CSMD1: variants seen among roughly 807,000 people sequenced by gnomAD.
CSMD1 encodes CUB and Sushi multiple domains 1, also known as CUB and sushi domain-containing protein 1.
Under a neutral mutation model 417.5 loss-of-function variants are expected in CSMD1, and 213 were observed. The ratio of observed to expected loss-of-function variants is 0.51; its 90% confidence interval spans 0.46 to 0.57. The LOEUF is 0.57. Ranked by LOEUF, CSMD1 falls within the 20% of genes least tolerant of loss-of-function variation. The pLI, the probability that CSMD1 is intolerant of heterozygous loss-of-function variation, is 0.00. For synonymous variants in CSMD1, 2,862 were observed against 1,736.8 expected (o/e 1.65, Z -16.11); for missense variants, 6,923 against 4,529.7 (o/e 1.53, Z -15.17).
At chr8:4,387,507 A>G (rs1305510789) in intron 3 of CSMD1, among the ~76,000 whole-genome samples, 2 of 137,538 alleles carry the variant, frequency 1.5e-5, no homozygotes, top group Non-Finnish European at 3.1e-5. Flanking sequence ...TTGTTCATAA[A>G]TACTATTTCT....
chr8:3,632,684 T>A (rs142567286), intron 7 of CSMD1, among the ~76,000 whole-genome samples: 74 of 152,328 alleles, frequency 4.9e-4, no homozygotes, highest in African/African-American at 1.7e-3. Flanking sequence ...GATTCATCCA[T>A]CAGTACTATT....
At chr8:3,135,028 G>C (rs896458710) in intron 41 of CSMD1, among the ~76,000 whole-genome samples, 1 of 152,072 alleles carries the variant, frequency 6.6e-6, no homozygotes, top group African/African-American at 2.4e-5. Context: ...AGCTCAGGCA[G>C]TCCTCCCACC....
intron 3 of CSMD1, among the ~76,000 whole-genome samples, chr8:4,394,442 G>A (rs1315927609): frequency 6.6e-6 from 1 of 152,108 alleles, no homozygotes; most frequent in Non-Finnish European, 1.5e-5. Context: ...GCGATTTTTA[G>A]TACTGAGTCT....
intron 3 of CSMD1, among the ~76,000 whole-genome samples, chr8:4,104,416 A>ACACACACATGTG (rs199793713): frequency 1.3e-5 from 2 of 149,182 alleles, no homozygotes; most frequent in African/African-American, 5.1e-5. Context: ...ATGCACACGC[A>ACACACACATGTG]CACACACATG....
intron 3 of CSMD1, among the ~76,000 whole-genome samples, chr8:4,234,616 C>T (rs952274676): frequency 2.0e-5 from 3 of 152,064 alleles, no homozygotes; most frequent in African/African-American, 7.2e-5. Flanking sequence ...CTTTATTCAC[C>T]ATTTTATTCT....
In CSMD1 at chr8:4,267,190, A is replaced by G. The variant is rs1253893741; in HGVS notation, c.415+152763T>C. ...AAGATAATATTCATTAATTCCAAAA[A>G]ATGCACAACAAAAGAATCCATTAAC... On this transcript the variant is annotated intron_variant, in intron 3 of 69. Coordinates refer to ENST00000635120, the MANE Select transcript of CSMD1 (RefSeq NM_033225.6). 2.9e-5 allele frequency among the ~76,000 whole-genome samples: 3 copies of G among 104,264 alleles called. 1 individual carries two copies. The highest frequency in any genetic ancestry group is 7.8e-5 in the Non-Finnish European group (3 of 38,708). The allele number at this position is 104,264 out of a possible 152,430, so 68.4% of individuals were successfully genotyped here.
At chr8:4,897,418 T>A (rs1804569777) in intron 1 of CSMD1, among the ~76,000 whole-genome samples, 1 of 152,100 alleles carries the variant, frequency 6.6e-6, no homozygotes, top group South Asian at 2.1e-4. Flanking sequence ...AAATATGACT[T>A]ACCAAGAAAA....
intron 1 of CSMD1, among the ~76,000 whole-genome samples, chr8:4,761,932 TA>T (rs1812133352): frequency 8.2e-5 from 12 of 147,030 alleles, no homozygotes; most frequent in African/African-American, 2.6e-4. Context: ...TCTATCTATC[TA>T]TCTATCTATC....
At chr8:4,177,552 T>C (rs1380299790) in intron 3 of CSMD1, among the ~76,000 whole-genome samples, 1 of 151,998 alleles carries the variant, frequency 6.6e-6, no homozygotes, top group Non-Finnish European at 1.5e-5. Context: ...CATTCAAAGC[T>C]AGCAGAAGGC....
rs1402024486 is a variant in CSMD1 at position 3,954,250 on chromosome 8, A to C, written c.818+43653T>G. Among the ~76,000 whole-genome samples the C allele has an allele frequency of 3.3e-5, 5 of 152,206 alleles. No individual in the cohort carries two copies. The South Asian group carries it at 8.3e-4, about 25-fold the overall frequency. The stretch of plus-strand genomic sequence containing the variant: ...CAGGCAAGTCCAGAGCAGGAGTGGA[A>C]GTTTATTTTAAAAGACCTTAGAACA... On this transcript the variant is annotated intron_variant, in intron 5 of 69. Coordinates refer to ENST00000635120, the MANE Select transcript of CSMD1 (RefSeq NM_033225.6).
intron 5 of CSMD1, among the ~76,000 whole-genome samples, chr8:3,972,169 C>A (rs1374968548): frequency 6.6e-6 from 1 of 151,916 alleles, no homozygotes; most frequent in South Asian, 2.1e-4. Context: ...TGTGCCTGGC[C>A]CTTCTAAGAC....
chr8:3,995,425 T>C (rs117203904), intron 5 of CSMD1, among the ~76,000 whole-genome samples: 1 of 152,318 alleles, frequency 6.6e-6, no homozygotes, highest in East Asian at 1.9e-4. Context: ...TGCTTTTCCA[T>C]CTTTACCCCG....
chr8:3,865,642 T>A (rs1585111040), intron 5 of CSMD1, among the ~76,000 whole-genome samples: 2 of 152,282 alleles, frequency 1.3e-5, no homozygotes, highest in East Asian at 1.9e-4. Context: ...ATTCACATCA[T>A]CGATGAAATT....
intron 26 of CSMD1, among the ~76,000 whole-genome samples, chr8:3,260,915 G>A (rs1412020043): frequency 6.6e-6 from 1 of 152,024 alleles, no homozygotes; most frequent in Non-Finnish European, 1.5e-5. Context: ...ACAGACTAGT[G>A]TCTTAAAAAT....
chr8:4,884,688 G>C (rs970641631), intron 1 of CSMD1, among the ~76,000 whole-genome samples: 13 of 151,980 alleles, frequency 8.6e-5, no homozygotes, highest in Non-Finnish European at 1.6e-4. Flanking sequence ...AGAAAAATAA[G>C]GGTTTATTTT....
At chr8:3,916,916 A>C (rs1250775961) in intron 5 of CSMD1, among the ~76,000 whole-genome samples, 1 of 150,344 alleles carries the variant, frequency 6.7e-6, no homozygotes, top group East Asian at 2.0e-4. Flanking sequence ...ATTAAAAAAA[A>C]TAACAATAAT....
chr8:3,933,708 T>C (rs1234470639), intron 5 of CSMD1, among the ~76,000 whole-genome samples: 7 of 152,330 alleles, frequency 4.6e-5, no homozygotes, highest in East Asian at 1.9e-4. Flanking sequence ...TCCTTTTGTA[T>C]GCAAAATTAC....
At chr8:4,579,068 A>G (rs902017906) in intron 2 of CSMD1, among the ~76,000 whole-genome samples, 1 of 151,936 alleles carries the variant, frequency 6.6e-6, no homozygotes, top group Non-Finnish European at 1.5e-5. Context: ...TTTCTGCAAT[A>G]AACTGTTCCA....
At chr8:3,506,497 C>T (rs751918144) in intron 10 of CSMD1, among the ~76,000 whole-genome samples, 10 of 152,182 alleles carry the variant, frequency 6.6e-5, no homozygotes, top group Non-Finnish European at 1.3e-4. Context: ...TCCAGTCACT[C>T]TTCCAATAAT....
Sources: gnomAD v4.1 joint callset for allele counts (sites outside exome capture counted in the v4.1 genomes callset) on GRCh38, gnomAD v4.1.1 for gene constraint, MANE v1.5 for transcripts, NCBI Gene and HGNC (gene_info 2026-07-23, HGNC 2026-07-21) for gene names.